The following CLYBL variants were observed in gnomAD, a reference collection of about 807,000 sequenced individuals.
CLYBL encodes the protein citramalyl-CoA lyase.
CLYBL carries 31 observed loss-of-function variants against 38.9 expected under a neutral mutation model. The ratio of observed to expected loss-of-function variants is 0.80; its 90% CI spans 0.60 to 1.08. CLYBL has a LOEUF of 1.08. Ranked by LOEUF, CLYBL falls within the 50% of genes least tolerant of loss-of-function variation. CLYBL has a pLI of 0.00. For missense variants in CLYBL, 434 were observed against 411.6 expected, an observed-to-expected ratio of 1.05 and a Z score of -0.47; for synonymous variants, 171 against 158.6, an observed-to-expected ratio of 1.08 and a Z score of -0.59.
intron 1 of CLYBL, among the ~76,000 whole-genome samples, chr13:99,719,787 C>T (rs550433046): frequency 2.8e-4 from 42 of 152,222 alleles, no homozygotes; most frequent in Non-Finnish European, 4.6e-4. Context: ...GGATTACAGG[C>T]ATGAGCCACT....
intron 1 of CLYBL, among the ~76,000 whole-genome samples, chr13:99,621,596 G>A (rs116590576): frequency 0.012 from 1,824 of 152,114 alleles, 44 homozygotes; most frequent in African/African-American, 0.041. Context: ...TTCTTTCATT[G>A]TATTAGTTTC....
At chr13:99,711,367 GC>G (rs1370380958) in intron 1 of CLYBL, among the ~76,000 whole-genome samples, 1 of 150,836 alleles carries the variant, frequency 6.6e-6, no homozygotes, top group Non-Finnish European at 1.5e-5. Flanking sequence ...CCTTCTCACT[GC>G]GTCCTCATAT....
chr13:99,666,662 A>C (rs1432687229), intron 1 of CLYBL, among the ~76,000 whole-genome samples: 1 of 152,110 alleles, frequency 6.6e-6, no homozygotes, highest in Non-Finnish European at 1.5e-5. Context: ...CTGCTGGGGT[A>C]AGAAAGGGAA....
chr13:99,709,762 T>C (rs2139485570), intron 1 of CLYBL, among the ~76,000 whole-genome samples: 1 of 152,284 alleles, frequency 6.6e-6, no homozygotes, highest in South Asian at 2.1e-4. Context: ...GAGGAGCGTT[T>C]ATTTTGTAGA....
intron 2 of CLYBL, 100 bp downstream of exon 2, chr13:99,773,110 T>A: frequency 1.0e-6 from 1 of 975,700 alleles, no homozygotes; most frequent in East Asian, 2.6e-5. Context: ...TCTACCACAC[T>A]CATCTTTTGC....
At chr13:99,898,714 A>G (rs773949568), downstream of CLYBL, among the ~76,000 whole-genome samples, 73 of 152,144 alleles carry the variant, frequency 4.8e-4, no homozygotes, top group African/African-American at 1.6e-3. Flanking sequence ...GACACCCAAC[A>G]AACGCCAAAG....
intron 2 of CLYBL, among the ~76,000 whole-genome samples, chr13:99,851,943 G>C (rs1024791844): frequency 1.3e-5 from 2 of 152,130 alleles, no homozygotes; most frequent in Non-Finnish European, 2.9e-5. Context: ...AAACCAGCCA[G>C]GTGTCCATTA....
intron 2 of CLYBL, among the ~76,000 whole-genome samples, chr13:99,816,860 T>C (rs1266325315): frequency 1.3e-5 from 2 of 152,196 alleles, no homozygotes; most frequent in African/African-American, 2.4e-5. Context: ...CCCAAGAAGA[T>C]AAATATGCCA....
chr13:99,715,546 G>T (rs375824031), intron 1 of CLYBL, among the ~76,000 whole-genome samples: 3 of 151,820 alleles, frequency 2.0e-5, no homozygotes, highest in African/African-American at 7.3e-5. Context: ...GGGACTACAG[G>T]TGCATGCCAC....
At chr13:99,863,832 C>A (rs1204427786) in intron 4 of CLYBL, among the ~76,000 whole-genome samples, 4 of 152,150 alleles carry the variant, frequency 2.6e-5, no homozygotes, top group Non-Finnish European at 5.9e-5. Context: ...CCACCCCAGC[C>A]CCCACAGAGG....
chr13:99,745,084 G>A (rs2048825735), intron 1 of CLYBL, among the ~76,000 whole-genome samples: 1 of 152,216 alleles, frequency 6.6e-6, no homozygotes, highest in South Asian at 2.1e-4. Context: ...ATCAGCGTTA[G>A]CTAGAGAGGA....
At chr13:99,867,001 CG>C (rs1566360258) in intron 6 of CLYBL, among the ~76,000 whole-genome samples, 1 of 152,060 alleles carries the variant, frequency 6.6e-6, no homozygotes, top group East Asian at 1.9e-4. Flanking sequence ...GGGGCACAGG[CG>C]GGTATCTGTT....
chr13:99,665,337 A>T (rs1474868336), intron 1 of CLYBL, among the ~76,000 whole-genome samples: 1 of 117,918 alleles, frequency 8.5e-6, no homozygotes, highest in Non-Finnish European at 1.8e-5. Context: ...TTACTTGCTT[A>T]AAAAAAAAAT....
At chr13:99,643,399 C>T (rs1238387912) in intron 1 of CLYBL, among the ~76,000 whole-genome samples, 1 of 152,186 alleles carries the variant, frequency 6.6e-6, no homozygotes, top group East Asian at 1.9e-4. Context: ...TGTAATTATC[C>T]TCAGGTTTTC....
chr13:99,741,072 C>T (rs1400613034), intron 1 of CLYBL, among the ~76,000 whole-genome samples: 1 of 152,162 alleles, frequency 6.6e-6, no homozygotes, highest in Non-Finnish European at 1.5e-5. Flanking sequence ...CATTTTTCTC[C>T]TTCTTGCTTA....
At chr13:99,775,202 C>T (rs1176353717) in intron 2 of CLYBL, among the ~76,000 whole-genome samples, 1 of 152,130 alleles carries the variant, frequency 6.6e-6, no homozygotes, top group African/African-American at 2.4e-5. Context: ...GGTTGTCCTC[C>T]AATACCCACC....
At chr13:99,702,321 T>C (rs2048078912) in intron 1 of CLYBL, among the ~76,000 whole-genome samples, 1 of 152,150 alleles carries the variant, frequency 6.6e-6, no homozygotes, top group East Asian at 1.9e-4. Flanking sequence ...AATTTACTTA[T>C]TTTGGGGGTC....
chr13:99,881,508 G>C (rs1187701386), intron 7 of CLYBL, among the ~76,000 whole-genome samples: 1 of 151,822 alleles, frequency 6.6e-6, no homozygotes, highest in East Asian at 1.9e-4. Context: ...CTTCAGCCTC[G>C]ACCTCCTGGG....
Position 99,881,057 on chromosome 13 carries a change from G to T in CLYBL, c.927+9995G>T, listed in dbSNP as rs557282821. Among the ~76,000 whole-genome samples, 4 of 152,204 alleles carry T rather than the reference G, an allele frequency of 2.6e-5. No homozygotes were observed. The East Asian group carries it at 7.7e-4, about 29-fold the overall frequency. ...CTTCCCAGTCAGGTGCAACATGAAT[G>T]CCACCCCATCCCACCCCAAACCCGA... On this transcript the variant is annotated intron_variant, in intron 7 of 8. Transcript: ENST00000339105.
Sources: gnomAD v4.1 joint callset for allele counts (sites outside exome capture counted in the v4.1 genomes callset) on GRCh38, gnomAD v4.1.1 for gene constraint, MANE v1.5 for transcripts, NCBI Gene and HGNC (gene_info 2026-07-23, HGNC 2026-07-21) for gene names.